PKNOX2: variants seen among roughly 807,000 people sequenced by gnomAD.
PKNOX2 encodes PBX/knotted 1 homeobox 2, also known as homeobox protein PKNOX2.
In PKNOX2, 14 loss-of-function variants were observed where a neutral mutation model predicts 53.1. That is an observed-to-expected ratio of 0.26 (90% CI 0.17 to 0.41). The LOEUF is 0.41. Among genes scored for constraint, PKNOX2 ranks in the 10% least tolerant of loss-of-function variants. The probability of loss-of-function intolerance (pLI) is 1.00; values close to 1 mark genes in which losing one functional copy is unlikely to be tolerated. For missense variants in PKNOX2, 496 were observed against 602.8 expected (o/e 0.82, Z 1.85); for synonymous variants, 257 against 242.8 (o/e 1.06, Z -0.54).
chr11:125,321,056 A>C (rs1385415295), intron 2 of PKNOX2, among the ~76,000 whole-genome samples: 1 of 152,230 alleles, frequency 6.6e-6, no homozygotes, highest in East Asian at 1.9e-4. Context: ...GGCATCACAG[A>C]ATAAATAACA....
intron 3 of PKNOX2, among the ~76,000 whole-genome samples, chr11:125,342,601 G>A (rs551643309): frequency 4.6e-5 from 7 of 152,306 alleles, no homozygotes; most frequent in African/African-American, 1.2e-4. Flanking sequence ...TCAGGGGCCC[G>A]GCCTGTGTTG....
chr11:125,322,713 C>A (rs1045990277), intron 2 of PKNOX2, among the ~76,000 whole-genome samples: 10 of 152,182 alleles, frequency 6.6e-5, no homozygotes, highest in African/African-American at 1.2e-4. Context: ...ACCCCTGTGT[C>A]CCCCAGATCC....
chr11:125,360,520 C>T (rs1248629933), intron 4 of PKNOX2, among the ~76,000 whole-genome samples: 2 of 152,178 alleles, frequency 1.3e-5, no homozygotes, highest in Admixed American at 6.5e-5. Context: ...GAGTCCTTGC[C>T]TTGGGCATGC....
intron 1 of PKNOX2, among the ~76,000 whole-genome samples, chr11:125,167,608 A>G (rs1954992143): frequency 6.6e-6 from 1 of 152,216 alleles, no homozygotes; most frequent in Non-Finnish European, 1.5e-5. Flanking sequence ...GCTCACAGTA[A>G]AATGCCTCGT....
chr11:125,389,059 G>A (rs1053021076), intron 6 of PKNOX2, among the ~76,000 whole-genome samples: 4 of 152,184 alleles, frequency 2.6e-5, no homozygotes, highest in African/African-American at 9.7e-5. Flanking sequence ...GCCAGGTGTG[G>A]TGGTACATGT....
chr11:125,372,696 C>A (rs534767279), intron 5 of PKNOX2, among the ~76,000 whole-genome samples: 2 of 152,200 alleles, frequency 1.3e-5, no homozygotes, highest in Non-Finnish European at 2.9e-5. Context: ...GGTCTATCAG[C>A]GAATGATCTC....
intron 1 of PKNOX2, among the ~76,000 whole-genome samples, chr11:125,194,461 C>A (rs1244012262): frequency 7.2e-5 from 11 of 152,234 alleles, no homozygotes; most frequent in African/African-American, 2.6e-4. Flanking sequence ...CCCAGTCCCC[C>A]ACCCCCACCC....
At chr11:125,245,282 C>T (rs1005549479) in intron 2 of PKNOX2, among the ~76,000 whole-genome samples, 3 of 152,190 alleles carry the variant, frequency 2.0e-5, no homozygotes, top group African/African-American at 7.2e-5. Context: ...AGAATAGTTT[C>T]TGCTGTGTGA....
chr11:125,361,377 G>A (rs117166655), intron 4 of PKNOX2, among the ~76,000 whole-genome samples: 59 of 152,252 alleles, frequency 3.9e-4, no homozygotes, highest in East Asian at 2.9e-3. Context: ...CCATCATGGC[G>A]GTGGGAGGTA....
chr11:125,300,963 C>G (rs1426156), intron 2 of PKNOX2, among the ~76,000 whole-genome samples: 1 of 151,986 alleles, frequency 6.6e-6, no homozygotes, highest in African/African-American at 2.4e-5. Flanking sequence ...TAAGCTCTAG[C>G]GAGATTGCAG....
Position 125,387,170 on chromosome 11 carries a change from A to G in PKNOX2, c.399+1448A>G, listed in dbSNP as rs144424241. Among the ~76,000 whole-genome samples the G allele has an allele frequency of 7.2e-5, 11 of 152,286 alleles. No homozygotes were observed. In the East Asian group the frequency reaches 1.7e-3, roughly 24 times the overall value. ...CCCTGTGCTCCGGCTGATCAGAACC[A>G]TAGACTGCAGTCGGGGAGCAGATCC... On this transcript the variant is annotated intron_variant, in intron 6 of 12. Coordinates refer to ENST00000298282, the MANE Select transcript of PKNOX2 (RefSeq NM_001382323.2).
intron 2 of PKNOX2, among the ~76,000 whole-genome samples, chr11:125,323,567 A>C (rs1467072322): frequency 6.6e-6 from 1 of 152,196 alleles, no homozygotes; most frequent in Non-Finnish European, 1.5e-5. Flanking sequence ...CACAGGAGGA[A>C]ATAGAGCCCT....
intron 10 of PKNOX2, among the ~76,000 whole-genome samples, chr11:125,420,084 G>A (rs1956092666): frequency 6.6e-6 from 1 of 151,568 alleles, no homozygotes; most frequent in South Asian, 2.1e-4. Flanking sequence ...CTATTTGTGG[G>A]CCTGAGGTAG....
At chr11:125,262,020 T>A (rs143171519) in intron 2 of PKNOX2, among the ~76,000 whole-genome samples, 12 of 152,026 alleles carry the variant, frequency 7.9e-5, no homozygotes, top group African/African-American at 2.9e-4. Flanking sequence ...AGCCCTCCAG[T>A]CCCCTGCAAC....
chr11:125,210,677 G>C (rs1939729203), intron 1 of PKNOX2, among the ~76,000 whole-genome samples: 2 of 152,102 alleles, frequency 1.3e-5, no homozygotes, highest in Admixed American at 1.3e-4. Context: ...TGGAACACAG[G>C]AATTTAGTGC....
intron 2 of PKNOX2, among the ~76,000 whole-genome samples, chr11:125,272,056 A>G (rs1945832336): frequency 6.6e-6 from 1 of 152,266 alleles, no homozygotes; most frequent in South Asian, 2.1e-4. Flanking sequence ...GGTGCCTTTT[A>G]TTAAACCTGA....
Position 125,393,853 on chromosome 11 carries a change from C to T in PKNOX2, c.400-4021C>T, listed in dbSNP as rs555271735. On this transcript the variant is annotated intron_variant, in intron 6 of 12. Coordinates refer to ENST00000298282, the MANE Select transcript of PKNOX2 (RefSeq NM_001382323.2). The stretch of plus-strand genomic sequence containing the variant: ...CACTGAGCCACTTTCTCCCAAACCA[C>T]GCACCCTTTATACTACCACTTCCTC... Among the ~76,000 whole-genome samples, 6 of 150,082 alleles carry T rather than the reference C, an allele frequency of 4.0e-5. No homozygotes were observed. The South Asian group carries it at 6.3e-4, about 16-fold the overall frequency.
At chr11:125,345,196 G>T (rs1950905663) in intron 3 of PKNOX2, among the ~76,000 whole-genome samples, 1 of 152,150 alleles carries the variant, frequency 6.6e-6, no homozygotes, top group African/African-American at 2.4e-5. Flanking sequence ...CTGTAAGGTG[G>T]GGCGGGCTCT....
intron 1 of PKNOX2, among the ~76,000 whole-genome samples, chr11:125,205,976 T>A (rs1204128381): frequency 6.6e-6 from 1 of 152,028 alleles, no homozygotes; most frequent in African/African-American, 2.4e-5. Flanking sequence ...AGATTCTATG[T>A]GCTAAGGGAA....
Sources: allele counts gnomAD v4.1 joint callset (sites outside exome capture counted in the v4.1 genomes callset), GRCh38; gene constraint gnomAD v4.1.1; transcripts MANE v1.5; gene names NCBI Gene and HGNC (gene_info 2026-07-23, HGNC 2026-07-21).